RASSF5: variants seen among roughly 807,000 people sequenced by gnomAD.
The protein encoded by RASSF5 is Ras association domain family member 5.
A neutral mutation model predicts 40.5 loss-of-function variants in RASSF5; 25 were observed. That is an observed-to-expected ratio of 0.62 (90% CI 0.45 to 0.86). The LOEUF (loss-of-function observed/expected upper bound fraction) is 0.86. RASSF5 is among the 40% of genes least tolerant of loss of function. The probability of loss-of-function intolerance (pLI) is 0.00; values close to 1 mark genes in which losing one functional copy is unlikely to be tolerated. For synonymous variants in RASSF5, 246 were observed against 252.4 expected (o/e 0.97, Z 0.24); for missense variants, 521 against 572.8 (o/e 0.91, Z 0.92).
chr1:206,553,932 A>G (rs12569261), intron 2 of RASSF5, among the ~76,000 whole-genome samples: 31,086 of 152,182 alleles, frequency 0.2, 3,438 homozygotes, highest in Middle Eastern at 0.39. Flanking sequence ...CCATTAACTA[A>G]CAGTGTGGAT....
In RASSF5 at chr1:206,585,377, A is replaced by C. The variant is rs1048812752; in HGVS notation, c.1104+82A>C. ...GTGGGTGTTGTCCTAACTACCTCAC[A>C]TAGGTGGGAGCCACGCAGCACGGGC... On this transcript the variant is annotated intron_variant, in intron 5 of 5. Coordinates refer to ENST00000579436, the MANE Select transcript of RASSF5 (RefSeq NM_182663.4). 3.0e-6 allele frequency: 3 copies of C among 994,558 alleles called. No homozygotes were observed. The African/African-American group carries it at 4.8e-5, about 16-fold the overall frequency. The allele number at this position is 994,558 out of a possible 1,614,324, so 61.6% of individuals were successfully genotyped here. A position where few individuals can be genotyped will look rare whatever the true frequency, so the allele number is the denominator to read the frequency against.
At chr1:206,530,055 TCA>T (rs1185147966) in intron 1 of RASSF5, among the ~76,000 whole-genome samples, 4 of 152,242 alleles carry the variant, frequency 2.6e-5, no homozygotes, top group African/African-American at 9.6e-5. Context: ...CCTGATGTCA[TCA>T]CAGTGTGGGT....
intron 1 of RASSF5, among the ~76,000 whole-genome samples, chr1:206,528,529 C>A (rs1017934008): frequency 2.6e-5 from 4 of 152,036 alleles, no homozygotes; most frequent in Non-Finnish European, 5.9e-5. Flanking sequence ...CGTACAGCAC[C>A]AAGAGTGAAC....
chr1:206,575,861 C>T (rs923064003), intron 2 of RASSF5, among the ~76,000 whole-genome samples: 9 of 152,234 alleles, frequency 5.9e-5, no homozygotes, highest in Non-Finnish European at 1.0e-4. Context: ...ACACGGCTAA[C>T]GCCAAAGTCC....
chr1:206,523,275 G>A (rs1180018957), intron 1 of RASSF5, among the ~76,000 whole-genome samples: 2 of 147,250 alleles, frequency 1.4e-5, no homozygotes, highest in Non-Finnish European at 3.0e-5. Context: ...CTGTGCTCCA[G>A]CCTGGGTGAC....
intron 2 of RASSF5, chr1:206,545,028 G>C (rs1037281496): frequency 4.6e-5 from 7 of 152,200 alleles, no homozygotes; most frequent in East Asian, 3.8e-4. Context: ...TGCTGGGGGT[G>C]GGGGGATGTG....
At chr1:206,522,541 C>A (rs1413940548) in intron 1 of RASSF5, among the ~76,000 whole-genome samples, 2 of 152,182 alleles carry the variant, frequency 1.3e-5, no homozygotes, top group African/African-American at 4.8e-5. Context: ...CGCCCCAGCA[C>A]CCTCCCCCAA....
At chr1:206,524,827 C>T (rs1553396941) in intron 1 of RASSF5, among the ~76,000 whole-genome samples, 2 of 150,776 alleles carry the variant, frequency 1.3e-5, no homozygotes, top group Non-Finnish European at 2.9e-5. Context: ...TGGCTCAACA[C>T]CATTACATTT....
chr1:206,586,808 C>G lies in RASSF5; in HGVS notation c.1105-18C>G. 6.2e-7 allele frequency: 1 copy of G among 1,602,106 alleles called. No individual in the cohort carries two copies. Among genetic ancestry groups the G allele is most frequent in the Non-Finnish European group, 8.5e-7 (1 of 1,170,794 alleles). On this transcript the variant is annotated intron_variant, in intron 5 of 5. Coordinates refer to ENST00000579436, the MANE Select transcript of RASSF5 (RefSeq NM_182663.4). ...TCCTATTCTGTTTCTTCCCACAAAT[C>G]TCCCTCTCGCCTCACAGTGGGATGC...
At chr1:206,509,100 C>G (rs1553394300) in intron 1 of RASSF5, among the ~76,000 whole-genome samples, 2 of 152,164 alleles carry the variant, frequency 1.3e-5, no homozygotes, top group Non-Finnish European at 2.9e-5. Flanking sequence ...ATGGCACAGC[C>G]TCTAACAAGC....
At chr1:206,562,474 G>A (rs1227670944) in intron 2 of RASSF5, among the ~76,000 whole-genome samples, 1 of 152,308 alleles carries the variant, frequency 6.6e-6, no homozygotes, top group East Asian at 1.9e-4. Flanking sequence ...AGAGATTTCA[G>A]ACTGGCACAG....
chr1:206,526,007 C>A (rs1198700355), intron 1 of RASSF5, among the ~76,000 whole-genome samples: 1 of 152,136 alleles, frequency 6.6e-6, no homozygotes, highest in African/African-American at 2.4e-5. Flanking sequence ...CCCTTCTCAC[C>A]GGCCTTGGAG....
intron 2 of RASSF5, among the ~76,000 whole-genome samples, chr1:206,575,775 A>G (rs1167323819): frequency 1.3e-5 from 2 of 152,230 alleles, no homozygotes; most frequent in African/African-American, 4.8e-5. Flanking sequence ...TGAGAGGGGA[A>G]GTAGCTCCCC....
rs782048681 is a variant in RASSF5 at position 206,557,624 on chromosome 1, A to C, written c.579+19331A>C. The C allele has an allele frequency of 5.0e-6, 8 of 1,614,232 alleles. No individual in the cohort carries two copies. The Admixed American group carries it at 1.3e-4, about 27-fold the overall frequency. Reference sequence around the variant, plus strand: ...GTGGGTACTGCAGCCTGGACGAGGAACTGGAAGACTGCTTCTTCACTGCTA... The same window carrying C: ...GTGGGTACTGCAGCCTGGACGAGGACCTGGAAGACTGCTTCTTCACTGCTA... On this transcript the variant is annotated intron_variant, in intron 2 of 5. Coordinates refer to ENST00000579436, the MANE Select transcript of RASSF5 (RefSeq NM_182663.4).
At chr1:206,526,744 G>A (rs534448415) in intron 1 of RASSF5, among the ~76,000 whole-genome samples, 2 of 152,272 alleles carry the variant, frequency 1.3e-5, no homozygotes, top group East Asian at 3.9e-4. Context: ...ACTCAGATGA[G>A]CAGGAAAGTT....
intron 2 of RASSF5, among the ~76,000 whole-genome samples, chr1:206,562,849 G>T (rs375529817): frequency 7.2e-5 from 11 of 152,178 alleles, no homozygotes; most frequent in African/African-American, 2.6e-4. Flanking sequence ...GTGAACCCGG[G>T]AGGCGGAGCT....
intron 1 of RASSF5, among the ~76,000 whole-genome samples, chr1:206,512,331 T>C (rs1666639215): frequency 6.6e-6 from 1 of 152,152 alleles, no homozygotes; most frequent in Non-Finnish European, 1.5e-5. Flanking sequence ...CCTCCCTGCT[T>C]CCTGTCTTAT....
intron 5 of RASSF5, chr1:206,586,617 C>T: frequency 1.8e-6 from 1 of 548,364 alleles, no homozygotes; most frequent in Non-Finnish European, 3.3e-6. Context: ...AACTCTTGGT[C>T]ATGAGATGCC....
At position 206,547,230 on chromosome 1, in the gene RASSF5, G is replaced by T. The variant is rs531776041; in HGVS notation, c.579+8937G>T. ...TATTTTATTTTCGCATATACTACAA[G>T]CCAGGGGTCCCAGCCCCCAGGGCCA... On this transcript the variant is annotated intron_variant, in intron 2 of 5. Transcript: ENST00000579436. Among the ~76,000 whole-genome samples, 3 of 152,092 alleles carry T rather than the reference G, an allele frequency of 2.0e-5. No individual in the cohort carries two copies. The South Asian group carries it at 6.2e-4, about 32-fold the overall frequency.
Sources: allele counts gnomAD v4.1 joint callset (sites outside exome capture counted in the v4.1 genomes callset), GRCh38; gene constraint gnomAD v4.1.1; transcripts MANE v1.5; gene names NCBI Gene and HGNC (gene_info 2026-07-23, HGNC 2026-07-21).